Variants in LINC02747 observed in about 807,000 individuals in gnomAD.
LINC02747 encodes CCND1-upstream intergenic DNA repair 2.
At chr11:69,479,085 T>C (rs1288763478) in intron 1 of LINC02747, among the ~76,000 whole-genome samples, 2 of 151,166 alleles carry the variant, frequency 1.3e-5, no homozygotes, top group East Asian at 3.9e-4. Context: ...TGAAACCCTG[T>C]CTCTACTAAA....
chr11:69,478,757 C>G (rs1565190507), intron 1 of LINC02747, among the ~76,000 whole-genome samples: 2 of 152,064 alleles, frequency 1.3e-5, no homozygotes, highest in African/African-American at 4.8e-5. Context: ...ATGGCTTAAA[C>G]CCAGGAGTCG....
intron 1 of LINC02747, among the ~76,000 whole-genome samples, chr11:69,480,439 C>T (rs1045569358): frequency 1.3e-5 from 2 of 152,150 alleles, no homozygotes; most frequent in African/African-American, 2.4e-5. Context: ...GTTGTCGTCC[C>T]CTTGGCATGC....
intron 1 of LINC02747, among the ~76,000 whole-genome samples, chr11:69,480,846 C>T (rs1857041992): frequency 6.6e-6 from 1 of 152,134 alleles, no homozygotes. Flanking sequence ...CAGACAACGC[C>T]GTGTGAGGAG....
At chr11:69,479,441 C>G (rs1414446201) in intron 1 of LINC02747, among the ~76,000 whole-genome samples, 1 of 152,130 alleles carries the variant, frequency 6.6e-6, no homozygotes, top group Non-Finnish European at 1.5e-5. Context: ...TCTCTGTTTT[C>G]TGATTGCTTT....
chr11:69,480,306 A>C (rs1268954298), intron 1 of LINC02747, among the ~76,000 whole-genome samples: 1 of 152,204 alleles, frequency 6.6e-6, no homozygotes, highest in African/African-American at 2.4e-5. Flanking sequence ...AGCACATCCC[A>C]GGACCCCGTC....
chr11:69,478,379 C>T (rs982647909), intron 1 of LINC02747, among the ~76,000 whole-genome samples: 1 of 152,054 alleles, frequency 6.6e-6, no homozygotes, highest in Non-Finnish European at 1.5e-5. Flanking sequence ...ACCCCCGCCT[C>T]CACCCCTGTG....
exon 2 of LINC02747, chr11:69,475,793 C>T (rs754161964): frequency 1.3e-5 from 2 of 152,170 alleles, no homozygotes; most frequent in Admixed American, 6.5e-5. Context: ...ATCACGGGGC[C>T]GCACCCTCAG....
intron 1 of LINC02747, chr11:69,481,321 C>T (rs1857046382): frequency 6.6e-6 from 1 of 152,314 alleles, no homozygotes; most frequent in Non-Finnish European, 1.5e-5. Context: ...AGGCCACACC[C>T]TGGGACCTCA....
At chr11:69,475,814 C>G (rs1856987771) in exon 2 of LINC02747, 1 of 152,202 alleles carries the variant, frequency 6.6e-6, no homozygotes, top group African/African-American at 2.4e-5. Flanking sequence ...GACTCAACTA[C>G]ATTCCACAGG....
chr11:69,476,042 T>C (rs188654489), exon 2 of LINC02747: 19 of 152,308 alleles, frequency 1.2e-4, no homozygotes, highest in African/African-American at 4.3e-4. Context: ...AGCTAGTCCC[T>C]GGGTTTGTCT....
exon 2 of LINC02747, chr11:69,477,124 T>C (rs1277287170): frequency 2.0e-5 from 3 of 152,216 alleles, no homozygotes; most frequent in Admixed American, 2.0e-4. Context: ...CTCCAGCACC[T>C]TGGGAATTCC....
rs564551562 is a variant in LINC02747, at chr11:69,477,907, G to A, written n.121-294C>T. Among the ~76,000 whole-genome samples the A allele has an allele frequency of 2.0e-5, 3 of 152,304 alleles. No individual in the cohort carries two copies. In the South Asian group the frequency reaches 6.2e-4, roughly 32 times the overall value. ...AAATGCAAGACCCTCCTTCCAGGAC[G>A]ATCAGAGCATCCAACCATGTGCAGG... On this transcript the variant is annotated intron_variant and non_coding_transcript_variant, in intron 1 of 1. Transcript: ENST00000645449.
exon 2 of LINC02747, chr11:69,476,282 C>T (rs1302689708): frequency 6.6e-6 from 1 of 152,312 alleles, no homozygotes; most frequent in Admixed American, 6.5e-5. Context: ...CTCCCCTTCC[C>T]TGGGGCCCTC....
rs375819112 is a variant in LINC02747 at position 69,480,299 on chromosome 11, A to T, written n.120+1127T>A. Among the ~76,000 whole-genome samples the T allele has an allele frequency of 5.9e-5, 9 of 152,288 alleles. No homozygotes were observed. In the East Asian group the frequency reaches 1.5e-3, roughly 26 times the overall value. On this transcript the variant is annotated intron_variant and non_coding_transcript_variant, in intron 1 of 1. Coordinates refer to ENST00000645449, the Ensembl canonical transcript of LINC02747. ...CCCTTCTGCAGGCCTGACCCTGAGC[A>T]CATCCCAGGACCCCGTCAGCTTCCC...
At chr11:69,475,870 A>G (rs1393199665) in exon 2 of LINC02747, 1 of 152,076 alleles carries the variant, frequency 6.6e-6, no homozygotes, top group Non-Finnish European at 1.5e-5. Flanking sequence ...GCTTCAACAT[A>G]TGTATTTAGG....
chr11:69,477,356 A>G (rs1397350462), exon 2 of LINC02747: 2 of 152,264 alleles, frequency 1.3e-5, no homozygotes, highest in African/African-American at 4.8e-5. Flanking sequence ...CTCAGATCCT[A>G]CAGGAGGTTG....
intron 1 of LINC02747, among the ~76,000 whole-genome samples, chr11:69,479,052 C>T (rs183670710): frequency 1.3e-5 from 2 of 151,984 alleles, no homozygotes; most frequent in South Asian, 2.1e-4. Flanking sequence ...GTCAGGAGTT[C>T]GAGACTAGCC....
chr11:69,480,552 A>G (rs1455075232), intron 1 of LINC02747, among the ~76,000 whole-genome samples: 1 of 152,142 alleles, frequency 6.6e-6, no homozygotes, highest in Non-Finnish European at 1.5e-5. Flanking sequence ...GCTTCCCTTC[A>G]CCTGATAGTC....
intron 1 of LINC02747, chr11:69,479,871 C>T (rs1271344661): frequency 6.6e-6 from 1 of 152,378 alleles, no homozygotes; most frequent in Non-Finnish European, 1.5e-5. Flanking sequence ...TTCCTGCCGC[C>T]TCCTCTGGCC....
Sources: gnomAD v4.1 joint callset for allele counts (sites outside exome capture counted in the v4.1 genomes callset) on GRCh38, gnomAD v4.1.1 for gene constraint, MANE v1.5 for transcripts, NCBI Gene and HGNC (gene_info 2026-07-23, HGNC 2026-07-21) for gene names.